Variants in SYS1 observed in about 807,000 individuals in gnomAD.
The protein encoded by SYS1 is protein SYS1 homolog.
A neutral mutation model predicts 17.8 loss-of-function variants in SYS1; 8 were observed. The observed-to-expected ratio is 0.45, with a 90% confidence interval of 0.26 to 0.81. SYS1 has a LOEUF of 0.81. Among genes scored for constraint, SYS1 ranks in the 40% least tolerant of loss-of-function variants. The probability of loss-of-function intolerance (pLI) is 0.16; values close to 1 mark genes in which losing one functional copy is unlikely to be tolerated. For synonymous variants in SYS1, 95 were observed against 90.9 expected (o/e 1.05, Z -0.26); for missense variants, 161 against 203.9 (o/e 0.79, Z 1.28).
chr20:45,375,458 A>G (rs960085736), exon 4 of SYS1: 1 of 1,612,856 alleles, frequency 6.2e-7, no homozygotes, highest in African/African-American at 1.3e-5. Flanking sequence ...TCCCCTGTGG[A>G]CTCTAATTTC....
chr20:45,375,182 T>G (rs761193167), exon 4 of SYS1: 1 of 1,614,112 alleles, frequency 6.2e-7, no homozygotes, highest in Non-Finnish European at 8.5e-7. Context: ...TCAAACCAGA[T>G]CCACTGGTCG....
Position 45,363,330 on chromosome 20 carries a change from G to T in SYS1, c.-4+15G>T. 2 of 1,418,810 alleles carry T rather than the reference G, an allele frequency of 1.4e-6. No individual in the cohort carries two copies. Among genetic ancestry groups the T allele is most frequent in the Non-Finnish European group, 1.8e-6 (2 of 1,088,454 alleles). 87.9% of individuals were successfully genotyped at this position (1,418,810 alleles called of 1,614,324 possible). A position where few individuals can be genotyped will look rare whatever the true frequency, so the allele number is the denominator to read the frequency against. On this transcript the variant is annotated intron_variant, in intron 1 of 3. Transcript: ENST00000243918. ...GTCTGTCACTGGTGAGTAGACCCCA[G>T]AGGAGCTCGTGTACGGGCGGGGGCC...
rs1402856972 is a variant in SYS1 at position 45,367,750 on chromosome 20, A to T, written c.*635A>T. 1.0e-6 allele frequency: 1 copy of T among 986,454 alleles called. No homozygotes were observed. Among genetic ancestry groups the T allele is most frequent in the South Asian group, 4.7e-5 (1 of 21,310 alleles). The allele number at this position is 986,454 out of a possible 1,614,324, so 61.1% of individuals were successfully genotyped here. On this transcript the variant is annotated 3_prime_UTR_variant, in exon 4 of 4. Transcript: ENST00000243918. ...ACCCAAGAACCTATGACTTTCTTCC[A>T]GTTCCTTCTACCAGGTCCCCATCCT... is the stretch of plus-strand genomic sequence containing the variant.
downstream of SYS1, chr20:45,373,874 G>A: frequency 6.3e-7 from 1 of 1,576,154 alleles, no homozygotes. Flanking sequence ...GGCAGAGTAA[G>A]CAGTATTCGT....
At chr20:45,365,514 T>G (rs1185229437) in intron 2 of SYS1, 105 bp from the exon 3 acceptor site, 1 of 1,091,180 alleles carries the variant, frequency 9.2e-7, no homozygotes, top group East Asian at 2.4e-5. Flanking sequence ...AGGTATTATC[T>G]TCTGTGCTCT....
rs1310677079 is a variant in SYS1, at chr20:45,368,882, C to T, written c.*1767C>T. The T allele has an allele frequency of 1.0e-6, 1 of 985,302 alleles. No homozygotes were observed. The highest frequency in any genetic ancestry group is 1.2e-6 in the Non-Finnish European group (1 of 829,918). 61.0% of individuals were successfully genotyped at this position (985,302 alleles called of 1,614,324 possible). On this transcript the variant is annotated 3_prime_UTR_variant, in exon 4 of 4. Coordinates refer to ENST00000243918, the MANE Select transcript of SYS1 (RefSeq NM_033542.4). ...CCAGCCGTGGTGGTGGTTACTCCAT[C>T]TGTGGTTGGAGCGCCTCTTTGGGAT...
At chr20:45,370,000 C>CT (rs1202092014), downstream of SYS1, among the ~76,000 whole-genome samples, 1 of 151,770 alleles carries the variant, frequency 6.6e-6, no homozygotes, top group African/African-American at 2.4e-5. Context: ...TCTCAGCTTA[C>CT]TGCAACCTCT....
chr20:45,363,069 T>C (rs1023725202), upstream of SYS1: 2 of 985,816 alleles, frequency 2.0e-6, no homozygotes, highest in Non-Finnish European at 2.4e-6. Flanking sequence ...TGCTTGTACC[T>C]GGTTCAGGAG....
In SYS1 at chr20:45,367,177, C is replaced by A. The variant is rs1988446001; in HGVS notation, c.*62C>A. ...CCCTTAACACCTTGGGCTGCTCAGA[C>A]CCTCCAGATGAGGTCCAGCCCAGAT... On this transcript the variant is annotated 3_prime_UTR_variant, in exon 4 of 4. Transcript: ENST00000243918. 1 of 1,595,162 alleles carries A rather than the reference C, an allele frequency of 6.3e-7. No individual in the cohort carries two copies. Among genetic ancestry groups the A allele is most frequent in the Non-Finnish European group, 8.6e-7 (1 of 1,169,292 alleles).
At chr20:45,370,761 G>A (rs903635051), downstream of SYS1, among the ~76,000 whole-genome samples, 75 of 152,094 alleles carry the variant, frequency 4.9e-4, no homozygotes, top group African/African-American at 1.8e-3. Flanking sequence ...TCCTTGTACC[G>A]GCAGCCCAGG....
In SYS1 at chr20:45,367,349, G is replaced by T; in HGVS notation, c.*234G>T. 1 of 1,366,706 alleles carries T rather than the reference G, an allele frequency of 7.3e-7. No homozygotes were observed. The highest frequency in any genetic ancestry group is 9.4e-7 in the Non-Finnish European group (1 of 1,058,444). 84.7% of individuals were successfully genotyped at this position (1,366,706 alleles called of 1,614,324 possible). A position where few individuals can be genotyped will look rare whatever the true frequency, so the allele number is the denominator to read the frequency against. Reference sequence around the variant, plus strand: ...CTTGGTATCTGAGAGGTCAGGAAGGGGACCTCTTTGAGGGTAATAACAGAA... The same window carrying T: ...CTTGGTATCTGAGAGGTCAGGAAGGTGACCTCTTTGAGGGTAATAACAGAA... On this transcript the variant is annotated 3_prime_UTR_variant, in exon 4 of 4. Transcript: ENST00000243918.
chr20:45,373,856 GACAA>G, downstream of SYS1: 1 of 1,562,024 alleles, frequency 6.4e-7, no homozygotes, highest in Non-Finnish European at 8.8e-7. Flanking sequence ...CCCAGCCCCA[GACAA>G]ACAGGCAGAG....
intron 3 of SYS1, 31 bp from the exon 4 acceptor site, chr20:45,366,843 AG>A: frequency 6.3e-7 from 1 of 1,589,526 alleles, no homozygotes; most frequent in Non-Finnish European, 8.6e-7. Context: ...AGGACAACCC[AG>A]TGACAACTCA....
At chr20:45,363,106 G>GCCTGCGCAACCTCAGCCCCGCC, upstream of SYS1, 1 of 1,008,350 alleles carries the variant, frequency 9.9e-7, no homozygotes. Context: ...CACCCACTAC[G>GCCTGCGCAACCTCAGCCCCGCC]CCTGCGCAAC....
chr20:45,369,780 T>G (rs2142678), downstream of SYS1, among the ~76,000 whole-genome samples: 98,363 of 151,644 alleles, frequency 0.65, 32,608 homozygotes, highest in African/African-American at 0.73. Context: ...TTTTGTATTT[T>G]TATTTTTATT....
chr20:45,373,337 C>T (rs7273489), downstream of SYS1: 4,633 of 162,876 alleles, frequency 0.028, 234 homozygotes, highest in African/African-American at 0.1. Flanking sequence ...AGGCAGGACA[C>T]ATTTGGAGGC....
upstream of SYS1, among the ~76,000 whole-genome samples, chr20:45,362,347 T>TTTTATTTATTTA (rs56348135): frequency 6.3e-4 from 94 of 149,424 alleles, no homozygotes; most frequent in South Asian, 7.6e-3. Flanking sequence ...AACACTTGAA[T>TTTTATTTATTTA]TTTATTTATT....
chr20:45,363,483 C>A, intron 1 of SYS1, 46 bp from the exon 2 acceptor site: 1 of 1,546,814 alleles, frequency 6.5e-7, no homozygotes, highest in Non-Finnish European at 8.7e-7. Context: ...GGCGACGTTG[C>A]CATGGAGACA....
exon 4 of SYS1, chr20:45,374,586 C>T (rs151111453): frequency 4.3e-6 from 2 of 466,976 alleles, no homozygotes; most frequent in African/African-American, 4.0e-5. Context: ...CAGAGTAAAT[C>T]TTATTTGAGG....
Sources: allele counts gnomAD v4.1 joint callset (sites outside exome capture counted in the v4.1 genomes callset), GRCh38; gene constraint gnomAD v4.1.1; transcripts MANE v1.5; gene names NCBI Gene and HGNC (gene_info 2026-07-23, HGNC 2026-07-21).